The following TENM2 variants were observed in gnomAD, a reference collection of about 807,000 sequenced individuals.
The protein encoded by TENM2 is teneurin transmembrane protein 2.
In TENM2, 52 loss-of-function variants were observed where a neutral mutation model predicts 245.2. The observed-to-expected ratio is 0.21, with a 90% confidence interval of 0.17 to 0.27. The LOEUF (loss-of-function observed/expected upper bound fraction) is 0.27, where lower values mean the gene tolerates loss of function less well. TENM2 is among the 10% of genes least tolerant of loss of function. The pLI is 1.00. For synonymous variants in TENM2, 1,363 were observed against 1,438.9 expected (o/e 0.95, Z 1.19); for missense variants, 3,046 against 3,666.8 (o/e 0.83, Z 4.37).
chr5:167,610,836 A>G (rs969509886), intron 2 of TENM2, among the ~76,000 whole-genome samples: 1 of 152,140 alleles, frequency 6.6e-6, no homozygotes, highest in Admixed American at 6.6e-5. Flanking sequence ...TTGGCTCTTC[A>G]TTACATTCTT....
intron 2 of TENM2, among the ~76,000 whole-genome samples, chr5:167,708,558 A>G (rs72830082): frequency 0.076 from 11,569 of 152,204 alleles, 516 homozygotes; most frequent in African/African-American, 0.12. Flanking sequence ...AAATCTTTCC[A>G]CATGTGAGTC....
the TENM2 span, among the ~76,000 whole-genome samples, chr5:167,040,066 C>G: frequency 6.6e-6 from 1 of 152,128 alleles, no homozygotes; most frequent in Non-Finnish European, 1.5e-5. Flanking sequence ...GGTTCATTTA[C>G]TCATATAAGT....
intron 15 of TENM2, 150 bp from the exon 18 acceptor site, chr5:168,198,702 GT>G (rs2152527004): frequency 1.1e-6 from 1 of 947,286 alleles, no homozygotes; most frequent in South Asian, 1.6e-5. Flanking sequence ...AAGTGATAGA[GT>G]TTGGGTTCCA....
intron 5 of TENM2, among the ~76,000 whole-genome samples, chr5:168,004,485 C>T (rs1784646383): frequency 6.7e-6 from 1 of 150,356 alleles, no homozygotes; most frequent in African/African-American, 2.5e-5. Flanking sequence ...GGGAGGTCAG[C>T]CCCCATTTGG....
the TENM2 span, among the ~76,000 whole-genome samples, chr5:167,148,160 A>G: frequency 1.3e-5 from 2 of 152,206 alleles, no homozygotes; most frequent in Admixed American, 1.3e-4. Context: ...TGTTGGAGAA[A>G]GAATGTTCCA....
intron 2 of TENM2, among the ~76,000 whole-genome samples, chr5:167,851,338 T>C (rs975075981): frequency 9.9e-5 from 15 of 152,204 alleles, no homozygotes; most frequent in African/African-American, 3.1e-4. Context: ...TCATTGACTT[T>C]ATAAAAAATC....
intron 2 of TENM2, among the ~76,000 whole-genome samples, chr5:167,506,865 T>C (rs1346230231): frequency 1.3e-5 from 2 of 152,200 alleles, no homozygotes; most frequent in African/African-American, 2.4e-5. Flanking sequence ...TTTCTGGATT[T>C]GAAAATTTTC....
intron 12 of TENM2, among the ~76,000 whole-genome samples, chr5:168,137,457 C>G (rs1755148826): frequency 6.6e-6 from 1 of 152,256 alleles, no homozygotes; most frequent in Non-Finnish European, 1.5e-5. Context: ...CTCACAAGCA[C>G]AGAGGAAATG....
Position 168,247,555 on chromosome 5 carries a change from G to A in TENM2, c.6616G>A (p.Asp2206Asn), listed in dbSNP as rs558361317. Residue 2206 changes from aspartate to asparagine, a missense_variant, in exon 27 of 29, where the codon GAT (aspartate) becomes AAT (asparagine). Transcript: ENST00000518659. The surrounding 1 kb of genome is among the most constrained non-coding windows in gnomAD (Gnocchi z 7.8). The stretch of plus-strand genomic sequence containing the variant: ...TACCACGAAGTACACCTATGACTAC[G>A]ATGGGGACGGGCAGCTCCAGAGCGT... The A allele has an allele frequency of 1.9e-5, 30 of 1,612,912 alleles. No individual in the cohort carries two copies. Among genetic ancestry groups the A allele is most frequent in the East Asian group, 4.5e-5 (2 of 44,840 alleles).
At chr5:167,157,490 G>T in the TENM2 span, among the ~76,000 whole-genome samples, 2 of 152,166 alleles carry the variant, frequency 1.3e-5, no homozygotes, top group Non-Finnish European at 2.9e-5. Context: ...AAGATGAGAT[G>T]ATAAAAGAAC....
At chr5:168,095,859 A>C (rs1793323484) in intron 8 of TENM2, among the ~76,000 whole-genome samples, 1 of 152,088 alleles carries the variant, frequency 6.6e-6, no homozygotes. Flanking sequence ...GGACTTTATT[A>C]CTCAGAGCAA....
chr5:167,431,562 T>G (rs1352687825), intron 2 of TENM2, among the ~76,000 whole-genome samples: 1 of 152,110 alleles, frequency 6.6e-6, no homozygotes, highest in Non-Finnish European at 1.5e-5. Context: ...TTATTATATC[T>G]CTCCTTTCTC....
At chr5:168,046,351 A>G (rs1051123845) in intron 5 of TENM2, among the ~76,000 whole-genome samples, 4 of 152,242 alleles carry the variant, frequency 2.6e-5, no homozygotes, top group Non-Finnish European at 4.4e-5. Context: ...CAACAGTGTC[A>G]ACCTGTGTCC....
intron 1 of TENM2, among the ~76,000 whole-genome samples, chr5:167,343,538 C>T (rs983843401): frequency 2.0e-5 from 3 of 152,158 alleles, no homozygotes; most frequent in Middle Eastern, 3.2e-3. Context: ...TATTTACTAA[C>T]ACCTCTAAAA....
chr5:167,826,135 C>T (rs553579571), intron 2 of TENM2, among the ~76,000 whole-genome samples: 1 of 152,192 alleles, frequency 6.6e-6, no homozygotes, highest in Non-Finnish European at 1.5e-5. Context: ...CAGACAAAAT[C>T]ATCCACCCAA....
the TENM2 span, among the ~76,000 whole-genome samples, chr5:167,087,238 TC>T: frequency 6.6e-6 from 1 of 152,146 alleles, no homozygotes; most frequent in African/African-American, 2.4e-5. Context: ...ATTTTGTCCC[TC>T]CTATAAAAAT....
At chr5:166,985,016 C>A in the TENM2 span, among the ~76,000 whole-genome samples, 1 of 152,038 alleles carries the variant, frequency 6.6e-6, no homozygotes, top group South Asian at 2.1e-4. Flanking sequence ...TAATTTGATG[C>A]CAAAAGGATG....
intron 25 of TENM2, among the ~76,000 whole-genome samples, chr5:168,230,645 T>A (rs572826077): frequency 3.6e-4 from 54 of 151,570 alleles, no homozygotes; most frequent in African/African-American, 1.3e-3. Flanking sequence ...CTATCTATCT[T>A]AGTCTTGCTG....
chr5:167,352,295 G>C (rs1199392935), intron 1 of TENM2, among the ~76,000 whole-genome samples: 1 of 152,086 alleles, frequency 6.6e-6, no homozygotes, highest in Admixed American at 6.5e-5. Flanking sequence ...GGCTGAGTTA[G>C]CTTCTTTATG....
Sources: gnomAD v4.1 joint callset for allele counts (sites outside exome capture counted in the v4.1 genomes callset) on GRCh38, gnomAD v4.1.1 for gene constraint, Gnocchi (gnomAD v3.1) non-coding constraint, MANE v1.5 for transcripts, NCBI Gene and HGNC (gene_info 2026-07-23, HGNC 2026-07-21) for gene names.